MICU3: variants seen among roughly 807,000 people sequenced by gnomAD.
MICU3 encodes mitochondrial calcium uptake 3.
Under a neutral mutation model 66.5 loss-of-function variants are expected in MICU3, and 62 were observed. The ratio of observed to expected loss-of-function variants is 0.93; its 90% CI spans 0.76 to 1.15. MICU3 has a LOEUF of 1.15. Among genes scored for constraint, MICU3 ranks in the 50% most tolerant of loss-of-function variants. MICU3 has a pLI of 0.00. For missense variants in MICU3, 779 were observed against 664.4 expected (o/e 1.17, Z -1.90); for synonymous variants, 308 against 240.7 (o/e 1.28, Z -2.59).
intron 1 of MICU3, among the ~76,000 whole-genome samples, chr8:17,030,954 T>A (rs1585139867): frequency 1.3e-5 from 2 of 152,336 alleles, no homozygotes; most frequent in African/African-American, 4.8e-5. Flanking sequence ...CATTCTTTTC[T>A]CTATCTTAGC....
chr8:17,066,827 G>C (rs1004571239), intron 2 of MICU3, among the ~76,000 whole-genome samples: 1 of 151,942 alleles, frequency 6.6e-6, no homozygotes, highest in Non-Finnish European at 1.5e-5. Context: ...GATTACAGGC[G>C]TGAGCTACTG....
At chr8:17,041,416 A>G (rs1187653880) in intron 1 of MICU3, among the ~76,000 whole-genome samples, 2 of 152,222 alleles carry the variant, frequency 1.3e-5, no homozygotes, top group Non-Finnish European at 2.9e-5. Flanking sequence ...TTTAGCAACA[A>G]GGAAGTCATG....
intron 1 of MICU3, among the ~76,000 whole-genome samples, chr8:17,034,592 C>T (rs932242448): frequency 6.6e-6 from 1 of 152,086 alleles, no homozygotes; most frequent in Non-Finnish European, 1.5e-5. Context: ...AAAGTATCAA[C>T]ATTAGTAGGA....
chr8:17,133,905 A>G, the MICU3 span, among the ~76,000 whole-genome samples: 3 of 152,214 alleles, frequency 2.0e-5, no homozygotes, highest in Non-Finnish European at 4.4e-5. Flanking sequence ...CTGTTCTTGT[A>G]ACTACATTGT....
intron 1 of MICU3, among the ~76,000 whole-genome samples, chr8:17,060,531 C>T (rs1024431579): frequency 3.3e-5 from 5 of 152,066 alleles, no homozygotes; most frequent in South Asian, 2.1e-4. Flanking sequence ...AGGCTGGTCT[C>T]GAACTCCTGA....
intron 7 of MICU3, 92 bp downstream of exon 7, chr8:17,087,127 G>A (rs764497208): frequency 2.0e-5 from 17 of 863,490 alleles, no homozygotes; most frequent in Non-Finnish European, 3.1e-5. Flanking sequence ...TTGTAACTTT[G>A]AAGCTGTCCC....
intron 1 of MICU3, among the ~76,000 whole-genome samples, chr8:17,059,263 G>T (rs559062762): frequency 6.6e-6 from 1 of 152,092 alleles, no homozygotes; most frequent in Admixed American, 6.5e-5. Flanking sequence ...TGATGAAAAC[G>T]TGAAGAAACA....
chr8:17,069,905 C>T (rs73194719), intron 3 of MICU3, among the ~76,000 whole-genome samples, 186 bp downstream of exon 3: 8,506 of 151,768 alleles, frequency 0.056, 306 homozygotes, highest in Non-Finnish European at 0.078. Context: ...AAAAGGTGGA[C>T]GTTTCTAAGG....
intron 5 of MICU3, among the ~76,000 whole-genome samples, chr8:17,083,502 C>G (rs1821501472): frequency 6.6e-6 from 1 of 151,998 alleles, no homozygotes; most frequent in East Asian, 1.9e-4. Flanking sequence ...AAGTTCCTCC[C>G]AAAGTTAGTT....
intron 1 of MICU3, among the ~76,000 whole-genome samples, chr8:17,034,643 G>A (rs1036548185): frequency 2.0e-5 from 3 of 152,174 alleles, no homozygotes; most frequent in Non-Finnish European, 4.4e-5. Context: ...ATGACCTCAA[G>A]GGATTCAAGA....
chr8:17,124,289 T>G (rs1470622416), downstream of MICU3, among the ~76,000 whole-genome samples: 1 of 152,174 alleles, frequency 6.6e-6, no homozygotes, highest in African/African-American at 2.4e-5. Context: ...AGTTGTTAAT[T>G]TTCTCCTTTG....
chr8:17,113,954 A>G (rs572895868), intron 11 of MICU3, 139 bp from the exon 12 acceptor site: 2 of 517,456 alleles, frequency 3.9e-6, no homozygotes, highest in South Asian at 3.5e-5. Context: ...TTGGAGAACA[A>G]CGTCAAAATG....
chr8:17,052,663 CA>C (rs1364019164), intron 1 of MICU3, among the ~76,000 whole-genome samples: 2 of 152,178 alleles, frequency 1.3e-5, no homozygotes, highest in South Asian at 2.1e-4. Context: ...TGTATTTCCA[CA>C]CAGACGCATT....
At position 17,064,067 on chromosome 8, in the gene MICU3, T is replaced by A; in HGVS notation, c.382-17T>A. 1.2e-6 allele frequency: 2 copies of A among 1,601,152 alleles called. No homozygotes were observed. The highest frequency in any genetic ancestry group is 1.7e-6 in the Non-Finnish European group (2 of 1,172,846). On this transcript the variant is annotated splice_polypyrimidine_tract_variant and intron_variant, in intron 1 of 14. Coordinates refer to ENST00000318063, the MANE Select transcript of MICU3 (RefSeq NM_181723.3). ...TTACTTCACATCATCCAAATGTATT[T>A]GCTTTCTTAACTTTAGGTTGCTATT...
Position 17,120,516 on chromosome 8 carries a change from T to G in MICU3, c.*229T>G, listed in dbSNP as rs950415844. 6.6e-6 allele frequency: 1 copy of G among 152,152 alleles called. No homozygotes were observed. Among genetic ancestry groups the G allele is most frequent in the Non-Finnish European group, 1.5e-5 (1 of 67,960 alleles). The allele number at this position is 152,152 out of a possible 1,614,324, so 9.4% of individuals were successfully genotyped here. Reference sequence around the variant, plus strand: ...ATATAAAATCAAGTTGAGCTTTGCCTTGATTTGCTGAACTCTCTGCACTTT... The same window carrying G: ...ATATAAAATCAAGTTGAGCTTTGCCGTGATTTGCTGAACTCTCTGCACTTT... On this transcript the variant is annotated 3_prime_UTR_variant, in exon 15 of 15. Coordinates refer to ENST00000318063, the MANE Select transcript of MICU3 (RefSeq NM_181723.3).
intron 1 of MICU3, among the ~76,000 whole-genome samples, chr8:17,053,920 C>G (rs1016276131): frequency 7.9e-5 from 12 of 152,054 alleles, no homozygotes; most frequent in Non-Finnish European, 1.8e-4. Context: ...CATGAAATGG[C>G]AAATTTCAGT....
intron 1 of MICU3, among the ~76,000 whole-genome samples, chr8:17,041,337 A>G (rs1271622273): frequency 1.3e-5 from 2 of 152,120 alleles, no homozygotes; most frequent in African/African-American, 4.8e-5. Context: ...TTCGGAAAGG[A>G]AGCAGTCAGT....
chr8:17,093,042 A>C (rs1800245803), intron 8 of MICU3, among the ~76,000 whole-genome samples: 1 of 152,074 alleles, frequency 6.6e-6, no homozygotes, highest in African/African-American at 2.4e-5. Context: ...CTTTTACAGT[A>C]GATGCTGCCT....
intron 13 of MICU3, 29 bp from the exon 14 acceptor site, chr8:17,118,677 AT>A: frequency 6.8e-7 from 1 of 1,463,540 alleles, no homozygotes; most frequent in Non-Finnish European, 9.5e-7. Flanking sequence ...CTTTCTGTAC[AT>A]TTGCACACTT....
Sources: allele counts gnomAD v4.1 joint callset (sites outside exome capture counted in the v4.1 genomes callset), GRCh38; gene constraint gnomAD v4.1.1; transcripts MANE v1.5; gene names NCBI Gene and HGNC (gene_info 2026-07-23, HGNC 2026-07-21).